SPAG16: variants seen among roughly 807,000 people sequenced by gnomAD.
SPAG16 encodes the protein sperm associated antigen 16, also known as sperm-associated antigen 16 protein.
Under a neutral mutation model 80.4 loss-of-function variants are expected in SPAG16, and 86 were observed. The observed-to-expected ratio is 1.07, with a 90% CI of 0.90 to 1.28. The LOEUF (loss-of-function observed/expected upper bound fraction) is 1.28. Ranked by LOEUF, SPAG16 falls within the 50% of genes most tolerant of loss-of-function variation. The pLI is 0.00. For synonymous variants in SPAG16, 294 were observed against 265.9 expected (o/e 1.11, Z -1.03); for missense variants, 870 against 765.3 (o/e 1.14, Z -1.61).
chr2:214,262,655 C>T (rs987147298), intron 15 of SPAG16, among the ~76,000 whole-genome samples: 2 of 151,966 alleles, frequency 1.3e-5, no homozygotes, highest in Non-Finnish European at 2.9e-5. Context: ...TATCCTTCAT[C>T]TCCGTATCTA....
At chr2:214,402,493 A>T (rs1256869076) in intron 15 of SPAG16, among the ~76,000 whole-genome samples, 1 of 151,962 alleles carries the variant, frequency 6.6e-6, no homozygotes, top group East Asian at 1.9e-4. Flanking sequence ...TTTTTCAGGA[A>T]CAATTAGTGT....
chr2:213,896,679 A>G (rs1057317603), intron 11 of SPAG16, among the ~76,000 whole-genome samples: 1 of 151,814 alleles, frequency 6.6e-6, no homozygotes, highest in African/African-American at 2.4e-5. Flanking sequence ...TTCACCATAT[A>G]TACATATATA....
At chr2:213,583,393 T>C (rs2060359077) in intron 10 of SPAG16, among the ~76,000 whole-genome samples, 1 of 152,224 alleles carries the variant, frequency 6.6e-6, no homozygotes, top group Admixed American at 6.5e-5. Context: ...ATAGTCATTG[T>C]TACTGTTCTT....
At chr2:214,354,825 C>G (rs1000910086) in intron 15 of SPAG16, among the ~76,000 whole-genome samples, 1 of 152,064 alleles carries the variant, frequency 6.6e-6, no homozygotes, top group South Asian at 2.1e-4. Flanking sequence ...TATAAGAATG[C>G]TTGTGATTTT....
At chr2:214,262,280 A>T (rs529824979) in intron 15 of SPAG16, among the ~76,000 whole-genome samples, 9 of 152,222 alleles carry the variant, frequency 5.9e-5, no homozygotes, top group Non-Finnish European at 1.2e-4. Context: ...AATAAATTAA[A>T]ACTTTGAGTT....
At chr2:213,594,371 A>C (rs2060813670) in intron 10 of SPAG16, among the ~76,000 whole-genome samples, 1 of 152,218 alleles carries the variant, frequency 6.6e-6, no homozygotes, top group African/African-American at 2.4e-5. Context: ...ATGGTAGATA[A>C]GGTCCTCTGT....
intron 10 of SPAG16, among the ~76,000 whole-genome samples, chr2:213,840,016 C>T (rs1490930806): frequency 6.6e-6 from 1 of 152,166 alleles, no homozygotes; most frequent in African/African-American, 2.4e-5. Context: ...AAGCTTTCAG[C>T]ATTCCAGCTT....
At chr2:214,175,958 G>A (rs1217430207) in intron 15 of SPAG16, among the ~76,000 whole-genome samples, 1 of 151,312 alleles carries the variant, frequency 6.6e-6, no homozygotes, top group Non-Finnish European at 1.5e-5. Flanking sequence ...GAGAATTAAT[G>A]TGTTAGCCAT....
chr2:214,154,460 C>T (rs555408973), intron 15 of SPAG16, among the ~76,000 whole-genome samples: 17 of 150,262 alleles, frequency 1.1e-4, no homozygotes, highest in African/African-American at 3.7e-4. Flanking sequence ...CAAAATGGGA[C>T]GAAAATATGA....
At chr2:213,547,618 T>C (rs2076652638) in intron 10 of SPAG16, among the ~76,000 whole-genome samples, 1 of 152,132 alleles carries the variant, frequency 6.6e-6, no homozygotes, top group Non-Finnish European at 1.5e-5. Context: ...AGAGTATTTT[T>C]AATTTGAGAA....
At chr2:213,695,975 T>C (rs1378707803) in intron 10 of SPAG16, among the ~76,000 whole-genome samples, 1 of 152,150 alleles carries the variant, frequency 6.6e-6, no homozygotes, top group Non-Finnish European at 1.5e-5. Flanking sequence ...GAAGAAGAGA[T>C]ATTATTTAGT....
chr2:213,404,823 G>A (rs1366826157), intron 9 of SPAG16, among the ~76,000 whole-genome samples: 1 of 151,496 alleles, frequency 6.6e-6, no homozygotes, highest in Non-Finnish European at 1.5e-5. Context: ...ACTTCTAAAG[G>A]TCATATTTGA....
intron 7 of SPAG16, among the ~76,000 whole-genome samples, chr2:213,359,359 T>A (rs922953582): frequency 6.6e-6 from 1 of 152,188 alleles, no homozygotes; most frequent in African/African-American, 2.4e-5. Flanking sequence ...TGCCTTTTGT[T>A]CAGCTATGCC....
intron 6 of SPAG16, 83 bp downstream of exon 6, chr2:213,340,353 A>G (rs2064619587): frequency 1.0e-6 from 1 of 984,970 alleles, no homozygotes; most frequent in Non-Finnish European, 1.5e-6. Flanking sequence ...GTTTTAGACA[A>G]AGTTATTAAT....
chr2:214,236,496 A>G (rs1689086122), intron 15 of SPAG16, among the ~76,000 whole-genome samples: 1 of 151,998 alleles, frequency 6.6e-6, no homozygotes, highest in South Asian at 2.1e-4. Context: ...TACTAAAAAT[A>G]CAAAAATTAG....
At chr2:214,091,373 A>G (rs758104296) in intron 13 of SPAG16, among the ~76,000 whole-genome samples, 3 of 152,136 alleles carry the variant, frequency 2.0e-5, no homozygotes, top group Non-Finnish European at 2.9e-5. Flanking sequence ...TGGGAAAGTC[A>G]CACAGCTGGT....
At chr2:213,602,456 A>C (rs1157448788) in intron 10 of SPAG16, among the ~76,000 whole-genome samples, 1 of 152,094 alleles carries the variant, frequency 6.6e-6, no homozygotes, top group Non-Finnish European at 1.5e-5. Flanking sequence ...ACATGGTGGA[A>C]CCCCGTCTCT....
chr2:213,932,058 G>A (rs1225451612), intron 12 of SPAG16, among the ~76,000 whole-genome samples: 1 of 150,554 alleles, frequency 6.6e-6, no homozygotes, highest in Non-Finnish European at 1.5e-5. Flanking sequence ...AACTGGCTTA[G>A]TTACTTAAGG....
At chr2:213,293,544 C>G (rs1325534928) in intron 1 of SPAG16, among the ~76,000 whole-genome samples, 2 of 152,172 alleles carry the variant, frequency 1.3e-5, no homozygotes, top group Non-Finnish European at 2.9e-5. Flanking sequence ...GCTCAAGCAG[C>G]CTGTGGAGAG....
Sources: allele counts gnomAD v4.1 joint callset (sites outside exome capture counted in the v4.1 genomes callset), GRCh38; gene constraint gnomAD v4.1.1; transcripts MANE v1.5; gene names NCBI Gene and HGNC (gene_info 2026-07-23, HGNC 2026-07-21).